The following ASXL2 variants were observed in gnomAD, a reference collection of about 807,000 sequenced individuals.
The protein encoded by ASXL2 is putative Polycomb group protein ASXL2.
A neutral mutation model predicts 122.0 loss-of-function variants in ASXL2; 23 were observed. The ratio of observed to expected loss-of-function variants is 0.19; its 90% confidence interval spans 0.14 to 0.27. ASXL2 has a LOEUF of 0.27. Among genes scored for constraint, ASXL2 ranks in the 10% least tolerant of loss-of-function variants. The pLI, the probability that ASXL2 is intolerant of heterozygous loss-of-function variation, is 1.00. For synonymous variants in ASXL2, 650 were observed against 637.0 expected (o/e 1.02, Z -0.31); for missense variants, 1,518 against 1,713.8 (o/e 0.89, Z 2.02).
rs757240905 is a variant in ASXL2 at position 25,735,529 on chromosome 2, TAC to T, written c.*6498_*6499del. On this transcript the variant is annotated 3_prime_UTR_variant, in exon 13 of 13. Coordinates refer to ENST00000435504, the MANE Select transcript of ASXL2 (RefSeq NM_018263.6). ...GATGCAACAATTCCAAATGAAGAGA[TAC>T]AGTTACTTATCATCTATAAGATGAA... 3.9e-5 allele frequency: 6 copies of T among 152,334 alleles called. No individual in the cohort carries two copies. The highest frequency in any genetic ancestry group is 9.6e-5 in the African/African-American group (4 of 41,578). The allele number at this position is 152,334 out of a possible 1,614,324, so 9.4% of individuals were successfully genotyped here.
chr2:25,853,132 T>C (rs896237601), intron 1 of ASXL2, among the ~76,000 whole-genome samples: 1 of 152,210 alleles, frequency 6.6e-6, no homozygotes, highest in African/African-American at 2.4e-5. Context: ...ATACGGTTTT[T>C]GACAAATCCC....
intron 4 of ASXL2, among the ~76,000 whole-genome samples, chr2:25,803,933 G>A (rs1222677143): frequency 1.3e-5 from 2 of 152,194 alleles, no homozygotes; most frequent in Non-Finnish European, 1.5e-5. Flanking sequence ...CACACATCTG[G>A]TGTTAGAAGT....
Position 25,860,188 on chromosome 2 carries a change from G to A in ASXL2, c.58-14625C>T, listed in dbSNP as rs556105021. On this transcript the variant is annotated intron_variant, in intron 1 of 12. Coordinates refer to ENST00000435504, the MANE Select transcript of ASXL2 (RefSeq NM_018263.6). Reference sequence around the variant, plus strand: ...TAACCGGGCATGGTGGCGCATGCCTGTAATCCCAGCTACTCCGGAGGCTAA... The same window carrying A: ...TAACCGGGCATGGTGGCGCATGCCTATAATCCCAGCTACTCCGGAGGCTAA... 1.2e-4 allele frequency among the ~76,000 whole-genome samples: 19 copies of A among 152,244 alleles called. No homozygotes were observed. In the South Asian group the frequency reaches 3.1e-3, roughly 25 times the overall value.
At chr2:25,820,511 T>C (rs1574432791) in intron 3 of ASXL2, among the ~76,000 whole-genome samples, 1 of 152,344 alleles carries the variant, frequency 6.6e-6, no homozygotes, top group African/African-American at 2.4e-5. Context: ...TTGGAGTTTA[T>C]GATTACATAT....
chr2:25,875,547 C>A (rs1258745534), intron 1 of ASXL2, among the ~76,000 whole-genome samples: 2 of 152,000 alleles, frequency 1.3e-5, no homozygotes, highest in Non-Finnish European at 2.9e-5. Flanking sequence ...AATAACCTTA[C>A]ATCAAACCAT....
intron 6 of ASXL2, among the ~76,000 whole-genome samples, chr2:25,769,301 G>A (rs1045208047): frequency 6.6e-6 from 1 of 152,142 alleles, no homozygotes; most frequent in Non-Finnish European, 1.5e-5. Context: ...AGCCCTATCT[G>A]CATCAAACCT....
chr2:25,776,717 AAAAC>A (rs2088552504), intron 5 of ASXL2, among the ~76,000 whole-genome samples: 1 of 152,240 alleles, frequency 6.6e-6, no homozygotes, highest in South Asian at 2.1e-4. Context: ...AGTAAAAGTT[AAAAC>A]TATTAATATT....
rs1359589044 is a variant in ASXL2 at position 25,736,711 on chromosome 2, A to C, written c.*5318T>G. The C allele has an allele frequency of 6.6e-6, 1 of 152,182 alleles. No individual in the cohort carries two copies. The highest frequency in any genetic ancestry group is 1.5e-5 in the Non-Finnish European group (1 of 68,028). The allele number at this position is 152,182 out of a possible 1,614,324, so 9.4% of individuals were successfully genotyped here. ...CAAAATATATTTTTTCTTTTCAGTG[A>C]AAGTAACCACAGCTGGGCAATTATG... is the stretch of plus-strand genomic sequence containing the variant. On this transcript the variant is annotated 3_prime_UTR_variant, in exon 13 of 13. Coordinates refer to ENST00000435504, the MANE Select transcript of ASXL2 (RefSeq NM_018263.6).
chr2:25,769,053 T>G (rs73922463), intron 6 of ASXL2, among the ~76,000 whole-genome samples, 185 bp from the exon 7 acceptor site: 250 of 152,238 alleles, frequency 1.6e-3, no homozygotes, highest in African/African-American at 5.8e-3. Context: ...AGATCAAGTG[T>G]AGTATCTGTT....
At chr2:25,799,993 C>CA (rs563216355) in intron 4 of ASXL2, among the ~76,000 whole-genome samples, 7,476 of 98,224 alleles carry the variant, frequency 0.076, 315 homozygotes, top group African/African-American at 0.15. Flanking sequence ...AAAAAAAATG[C>CA]AAAAAAAAAA....
chr2:25,825,188 C>T (rs1433613199), intron 3 of ASXL2, among the ~76,000 whole-genome samples: 2 of 152,204 alleles, frequency 1.3e-5, no homozygotes, highest in Admixed American at 1.3e-4. Context: ...CATACCTCTG[C>T]TCATTCTCTT....
chr2:25,769,018 C>T, intron 6 of ASXL2, 150 bp from the exon 7 acceptor site: 1 of 948,828 alleles, frequency 1.1e-6, no homozygotes, highest in East Asian at 2.7e-5. Flanking sequence ...ATTAAGCTAA[C>T]TCTCGCTTCT....
At chr2:25,812,674 C>T (rs975962828) in intron 3 of ASXL2, among the ~76,000 whole-genome samples, 9 of 152,074 alleles carry the variant, frequency 5.9e-5, no homozygotes, top group Non-Finnish European at 1.3e-4. Flanking sequence ...TTGAATCTGT[C>T]CTACAAAACC....
At chr2:25,800,298 A>C (rs908079158) in intron 4 of ASXL2, among the ~76,000 whole-genome samples, 3 of 152,130 alleles carry the variant, frequency 2.0e-5, no homozygotes, top group African/African-American at 7.2e-5. Context: ...ATCCTGTCTC[A>C]AAAAACTAAA....
chr2:25,812,316 T>C (rs573974779), intron 3 of ASXL2, among the ~76,000 whole-genome samples: 8 of 151,860 alleles, frequency 5.3e-5, no homozygotes, highest in African/African-American at 1.9e-4. Context: ...AAAAATTAGC[T>C]GGGTATGGTG....
chr2:25,861,445 T>C (rs1479943334), intron 1 of ASXL2, among the ~76,000 whole-genome samples: 1 of 152,192 alleles, frequency 6.6e-6, no homozygotes, highest in African/African-American at 2.4e-5. Context: ...AGGCCTATCA[T>C]CTATCAAAGA....
At position 25,743,392 on chromosome 2, in the gene ASXL2, A is replaced by C. The variant is rs1486183776; in HGVS notation, c.2945T>G (p.Leu982Arg). 6.2e-7 allele frequency: 1 copy of C among 1,613,830 alleles called. No individual in the cohort carries two copies. The highest frequency in any genetic ancestry group is 1.3e-5 in the African/African-American group (1 of 74,922). Residue 982 changes from leucine (L) to arginine (R), a missense_variant, in exon 13 of 13, where the codon CTG (leucine) becomes CGG (arginine). By Grantham distance (102) the Leu-to-Arg change is moderately radical. Transcript: ENST00000435504. Reference sequence around the variant, plus strand: ...CATCCCCCTTTCCTCTTTTGCAGTCAGTGGAACCGTTTTCATTTCAACTTT... The same window carrying C: ...CATCCCCCTTTCCTCTTTTGCAGTCCGTGGAACCGTTTTCATTTCAACTTT... The part of the protein sequence containing the change: ...LTKVEMKTVP[L>R]TAKEERGMGA...
At chr2:25,872,914 GC>G (rs1170722939) in intron 1 of ASXL2, among the ~76,000 whole-genome samples, 1 of 152,046 alleles carries the variant, frequency 6.6e-6, no homozygotes, top group African/African-American at 2.4e-5. Flanking sequence ...CTATTTATTG[GC>G]TCTTGGGAGG....
At chr2:25,751,957 A>C (rs1049089544) in intron 11 of ASXL2, among the ~76,000 whole-genome samples, 2 of 151,866 alleles carry the variant, frequency 1.3e-5, no homozygotes, top group African/African-American at 4.8e-5. Context: ...TTTTTTTTAG[A>C]GATGTGGTTT....
Sources: allele counts gnomAD v4.1 joint callset (sites outside exome capture counted in the v4.1 genomes callset), GRCh38; gene constraint gnomAD v4.1.1; transcripts MANE v1.5; gene names NCBI Gene and HGNC (gene_info 2026-07-23, HGNC 2026-07-21).